The following FBN2 variants were observed in gnomAD, a reference collection of about 807,000 sequenced individuals.
FBN2 encodes the protein fibrillin-2.
FBN2 carries 105 observed loss-of-function variants against 355.6 expected under a neutral mutation model. The observed-to-expected ratio is 0.30, with a 90% CI of 0.25 to 0.35. The LOEUF (loss-of-function observed/expected upper bound fraction) is 0.35, where lower values mean the gene tolerates loss of function less well. Ranked by LOEUF, FBN2 falls within the 10% of genes least tolerant of loss-of-function variation. FBN2 has a pLI of 1.00. For synonymous variants in FBN2, 1,350 were observed against 1,301.2 expected, an observed-to-expected ratio of 1.04 and a Z score of -0.81; for missense variants, 3,280 against 3,758.7, an observed-to-expected ratio of 0.87 and a Z score of 3.33.
chr5:128,523,863 G>A (rs1581370029), intron 4 of FBN2, among the ~76,000 whole-genome samples: 1 of 151,778 alleles, frequency 6.6e-6, no homozygotes, highest in Non-Finnish European at 1.5e-5. Context: ...CATCTTCAGC[G>A]ACTACAGCTG....
At chr5:128,275,977 A>G in intron 59 of FBN2, 61 bp downstream of exon 59, 1 of 1,576,782 alleles carries the variant, frequency 6.3e-7, no homozygotes, top group Non-Finnish European at 8.7e-7. Flanking sequence ...ATAATCTAAT[A>G]TTTAAATTTG....
intron 7 of FBN2, among the ~76,000 whole-genome samples, chr5:128,416,748 T>A (rs1411134278): frequency 6.6e-6 from 1 of 152,236 alleles, no homozygotes; most frequent in Non-Finnish European, 1.5e-5. Flanking sequence ...CCTGTTCCAC[T>A]GGTCTAGTAT....
chr5:128,352,456 T>A (rs115421428), intron 20 of FBN2, among the ~76,000 whole-genome samples: 2 of 152,226 alleles, frequency 1.3e-5, no homozygotes, highest in Non-Finnish European at 2.9e-5. Flanking sequence ...TTAAAGGGAA[T>A]AACGAATGGT....
At chr5:128,511,606 T>C (rs1756131710) in intron 5 of FBN2, among the ~76,000 whole-genome samples, 1 of 152,208 alleles carries the variant, frequency 6.6e-6, no homozygotes, top group Admixed American at 6.5e-5. Context: ...AAAGTATCTC[T>C]GCTCTTAAGA....
chr5:128,395,029 A>T, intron 9 of FBN2, 93 bp downstream of exon 9: 1 of 1,416,082 alleles, frequency 7.1e-7, no homozygotes, highest in South Asian at 1.2e-5. Flanking sequence ...CAAGCAATCC[A>T]CCTGCCTTGG....
At chr5:128,362,157 G>A (rs941158166) in intron 18 of FBN2, among the ~76,000 whole-genome samples, 1 of 152,040 alleles carries the variant, frequency 6.6e-6, no homozygotes, top group East Asian at 1.9e-4. Flanking sequence ...TATTTTTAAA[G>A]CATTCATAAA....
chr5:128,456,295 T>C (rs1368753333), intron 6 of FBN2, among the ~76,000 whole-genome samples: 2 of 152,014 alleles, frequency 1.3e-5, no homozygotes, highest in Non-Finnish European at 2.9e-5. Context: ...AATTTGGATC[T>C]CCCTGGGCCT....
At chr5:128,349,153 T>A (rs761412332) in intron 23 of FBN2, among the ~76,000 whole-genome samples, 194 bp downstream of exon 23, 4 of 152,200 alleles carry the variant, frequency 2.6e-5, no homozygotes, top group Non-Finnish European at 4.4e-5. Flanking sequence ...GTCCCAACTT[T>A]TGGCATGAAA....
At chr5:128,408,582 T>C in intron 8 of FBN2, 92 bp downstream of exon 8, 2 of 1,443,196 alleles carry the variant, frequency 1.4e-6, no homozygotes, top group Non-Finnish European at 1.9e-6. Context: ...ATTTCTTCAA[T>C]ATTTTATAAT....
At chr5:128,461,730 C>T (rs1027620747) in intron 6 of FBN2, among the ~76,000 whole-genome samples, 3 of 152,024 alleles carry the variant, frequency 2.0e-5, no homozygotes, top group African/African-American at 7.3e-5. Flanking sequence ...AAGCCATCAT[C>T]CTCTGCAAAC....
intron 53 of FBN2, 73 bp from the exon 54 acceptor site, chr5:128,287,503 A>C: frequency 4.7e-5 from 74 of 1,560,048 alleles, no homozygotes; most frequent in Middle Eastern, 1.7e-4. Flanking sequence ...TGTTGATGTC[A>C]TTTACTTGGC....
intron 8 of FBN2, among the ~76,000 whole-genome samples, chr5:128,397,887 A>G (rs1320883734): frequency 6.6e-6 from 1 of 152,100 alleles, no homozygotes; most frequent in Non-Finnish European, 1.5e-5. Context: ...CCAATACATA[A>G]CAGAAAACTC....
chr5:128,350,362 C>T (rs954712271), intron 21 of FBN2, among the ~76,000 whole-genome samples: 1 of 152,152 alleles, frequency 6.6e-6, no homozygotes, highest in African/African-American at 2.4e-5. Context: ...ACCCATCTGA[C>T]CAACATGGTG....
intron 53 of FBN2, 69 bp from the exon 54 acceptor site, chr5:128,287,499 T>C (rs1749188780): frequency 1.3e-6 from 2 of 1,559,704 alleles, no homozygotes; most frequent in Non-Finnish European, 1.8e-6. Context: ...TAAATGTTGA[T>C]GTCATTTACT....
At chr5:128,449,247 T>C (rs1338349656) in intron 6 of FBN2, among the ~76,000 whole-genome samples, 2 of 149,862 alleles carry the variant, frequency 1.3e-5, no homozygotes, top group African/African-American at 4.9e-5. Context: ...AATGGTACCA[T>C]TGTAAAGTTA....
Position 128,305,925 on chromosome 5 carries a change from G to C in FBN2, c.5446C>G (p.Pro1816Ala), listed in dbSNP as rs1561760487. The C allele has an allele frequency of 1.9e-6, 3 of 1,613,724 alleles. No individual in the cohort carries two copies. The highest frequency in any genetic ancestry group is 2.7e-5 in the African/African-American group (2 of 75,008). Residue 1816 changes from proline (P) to alanine (A), a missense_variant, in exon 43 of 65, where the codon CCA becomes GCA. By Grantham distance (27) the Pro-to-Ala change is conservative. This residue lies in a region of FBN2 where 2,284 missense variants were observed against 2,749.5 expected (regional missense o/e 0.83). Transcript: ENST00000262464. ...CACACACCATTTGCACAAATGCCTGGAATCTCTTTACATTCATCAATGTCT... is the reference window on the plus strand; with the variant it reads ...CACACACCATTTGCACAAATGCCTGCAATCTCTTTACATTCATCAATGTCT... ...AVDIDECKEI[P>A]GICANGVCIN...
rs192822047 is a variant in FBN2, at chr5:128,354,967, G to C, written c.2674+2309C>G. Among the ~76,000 whole-genome samples, 27 of 152,306 alleles carry C rather than the reference G, an allele frequency of 1.8e-4. No homozygotes were observed. The East Asian group carries it at 2.7e-3, about 15-fold the overall frequency. ...AGTGACAAATGTGAGAGTCAACACA[G>C]AGGCTCTCGAGGATGAGTGTAGAAA... is the stretch of plus-strand genomic sequence containing the variant. On this transcript the variant is annotated intron_variant, in intron 20 of 64. Transcript: ENST00000262464.
At chr5:128,298,829 T>C (rs571389312) in intron 48 of FBN2, among the ~76,000 whole-genome samples, 3 of 152,364 alleles carry the variant, frequency 2.0e-5, no homozygotes, top group South Asian at 4.1e-4. Context: ...AGCCTTCTTC[T>C]CTCAGCTCGT....
chr5:128,368,796 T>TA (rs937502022), intron 16 of FBN2, among the ~76,000 whole-genome samples: 15 of 151,482 alleles, frequency 9.9e-5, no homozygotes, highest in African/African-American at 3.6e-4. Flanking sequence ...TCAGCCCCCC[T>TA]AGTAGCTGGG....
Sources: gnomAD v4.1 joint callset for allele counts (sites outside exome capture counted in the v4.1 genomes callset) on GRCh38, gnomAD v4.1.1 for gene constraint, gnomAD v4.1.1 regional missense constraint, MANE v1.5 for transcripts, NCBI Gene and HGNC (gene_info 2026-07-23, HGNC 2026-07-21) for gene names.